Variants in MARK1 observed in about 807,000 individuals in gnomAD.
The protein encoded by MARK1 is microtubule affinity regulating kinase 1.
Under a neutral mutation model 96.3 loss-of-function variants are expected in MARK1, and 40 were observed. That is an observed-to-expected ratio of 0.42 (90% CI 0.32 to 0.54). The LOEUF is 0.54. MARK1 is among the 20% of genes least tolerant of loss of function. The pLI is 0.16. For synonymous variants in MARK1, 317 were observed against 341.2 expected (o/e 0.93, Z 0.78); for missense variants, 719 against 984.6 (o/e 0.73, Z 3.61).
chr1:220,653,066 T>C (rs1357755531), intron 15 of MARK1, 35 bp from the exon 16 acceptor site: 1 of 1,605,266 alleles, frequency 6.2e-7, no homozygotes, highest in East Asian at 2.2e-5. Context: ...TTCTTGTCAT[T>C]ATTCTGAATG....
At chr1:220,628,464 A>G (rs1199512787) in intron 9 of MARK1, among the ~76,000 whole-genome samples, 1 of 152,214 alleles carries the variant, frequency 6.6e-6, no homozygotes, top group African/African-American at 2.4e-5. Flanking sequence ...GTTGCTAAAC[A>G]CAAGGGGCTA....
At chr1:220,560,090 G>A (rs1248866028) in intron 1 of MARK1, among the ~76,000 whole-genome samples, 1 of 152,136 alleles carries the variant, frequency 6.6e-6, no homozygotes, top group Non-Finnish European at 1.5e-5. Context: ...TAGAGAAAGA[G>A]CCAAGCGAAA....
At chr1:220,589,612 A>G (rs1664853579) in intron 3 of MARK1, among the ~76,000 whole-genome samples, 1 of 152,226 alleles carries the variant, frequency 6.6e-6, no homozygotes, top group African/African-American at 2.4e-5. Context: ...GACATATCTC[A>G]GGCCTTCACT....
At chr1:220,585,118 G>T (rs971919030) in intron 3 of MARK1, among the ~76,000 whole-genome samples, 1 of 152,088 alleles carries the variant, frequency 6.6e-6, no homozygotes, top group Admixed American at 6.5e-5. Flanking sequence ...TTTTTTGAGG[G>T]TTAAAGGTGG....
chr1:220,636,458 A>C (rs1667971218), intron 13 of MARK1, among the ~76,000 whole-genome samples: 1 of 152,172 alleles, frequency 6.6e-6, no homozygotes, highest in Non-Finnish European at 1.5e-5. Context: ...CCCATAAGGC[A>C]GCAGGAAAGA....
chr1:220,528,558 G>T lies in MARK1; in HGVS notation c.-265G>T. On this transcript the variant is annotated 5_prime_UTR_variant, in exon 1 of 18. Transcript: ENST00000366917. ...CCAGCCTCGCCGCCCCGCCAGCGCC[G>T]GGCAACCGCCTCGCCCGAAGCCCTC... The T allele has an allele frequency of 2.2e-6, 1 of 456,142 alleles. No homozygotes were observed. Among genetic ancestry groups the T allele is most frequent in the Non-Finnish European group, 3.9e-6 (1 of 259,536 alleles). 28.3% of individuals were successfully genotyped at this position (456,142 alleles called of 1,614,324 possible).
At chr1:220,548,292 T>C (rs1572059374) in intron 1 of MARK1, among the ~76,000 whole-genome samples, 1 of 152,226 alleles carries the variant, frequency 6.6e-6, no homozygotes. Context: ...TTCAATGTAC[T>C]TCAAAAAATT....
At chr1:220,598,170 T>G (rs1665499047) in intron 3 of MARK1, among the ~76,000 whole-genome samples, 161 bp from the exon 4 acceptor site, 1 of 152,086 alleles carries the variant, frequency 6.6e-6, no homozygotes, top group Non-Finnish European at 1.5e-5. Flanking sequence ...CATAGCTTGT[T>G]TGTACAGAGT....
intron 13 of MARK1, among the ~76,000 whole-genome samples, chr1:220,649,494 G>C (rs1174489705): frequency 6.6e-6 from 1 of 152,118 alleles, no homozygotes; most frequent in Non-Finnish European, 1.5e-5. Flanking sequence ...CTCCCAAAGT[G>C]TTAGGATTAG....
chr1:220,590,257 A>T (rs1429224743), intron 3 of MARK1, among the ~76,000 whole-genome samples: 2 of 152,198 alleles, frequency 1.3e-5, no homozygotes, highest in African/African-American at 4.8e-5. Flanking sequence ...ATTGGCCAAA[A>T]TTCTCTAGAT....
intron 3 of MARK1, among the ~76,000 whole-genome samples, chr1:220,587,908 A>G (rs529404570): frequency 6.6e-6 from 1 of 152,246 alleles, no homozygotes; most frequent in East Asian, 1.9e-4. Context: ...TCTCTCTTCA[A>G]GTAGAATTGC....
chr1:220,626,326 TCTC>T lies in MARK1; in HGVS notation c.910-4706_910-4704del, dbSNP rs370283887. ...CACAGACTGGGTCATGACTATGTCT[TCTC>T]CTAAGTAGGGAGAGAACTTTTCAGG... On this transcript the variant is annotated intron_variant, in intron 9 of 17. Transcript: ENST00000366917. 885 of 547,166 alleles carry T rather than the reference TCTC, an allele frequency of 1.6e-3. 11 individuals are homozygous for T. Among genetic ancestry groups the T allele is most frequent in the South Asian group, 0.012 (853 of 71,300 alleles). The allele number at this position is 547,166 out of a possible 1,614,324, so 33.9% of individuals were successfully genotyped here. A position where few individuals can be genotyped will look rare whatever the true frequency, so the allele number is the denominator to read the frequency against.
At chr1:220,638,904 A>G (rs1668121196) in intron 13 of MARK1, among the ~76,000 whole-genome samples, 1 of 152,170 alleles carries the variant, frequency 6.6e-6, no homozygotes, top group Admixed American at 6.5e-5. Flanking sequence ...AATTATAACT[A>G]GTGCTAATCA....
At chr1:220,652,977 C>CT in intron 15 of MARK1, 124 bp from the exon 16 acceptor site, 1 of 1,078,504 alleles carries the variant, frequency 9.3e-7, no homozygotes, top group East Asian at 2.5e-5. Flanking sequence ...TCTCACATCT[C>CT]TAATGTGAAC....
At chr1:220,532,462 C>T (rs1159385255) in intron 1 of MARK1, among the ~76,000 whole-genome samples, 1 of 152,192 alleles carries the variant, frequency 6.6e-6, no homozygotes, top group South Asian at 2.1e-4. Flanking sequence ...TATAAGAAAT[C>T]AGTGCTGTAA....
At position 220,618,324 on chromosome 1, in the gene MARK1, C is replaced by T. The variant is rs1666869851; in HGVS notation, c.567C>T (p.Leu189=). The stretch of plus-strand genomic sequence containing the variant: ...TTTCCTCTTAGGCTGAAAACCTTCT[C>T]CTTGATGGTGATATGAATATTAAAA... ...VHRDLKAENL[L]LDGDMNIKIA... The change falls in exon 8 of 18, where the codon CTC becomes CTT. Residue 189 remains leucine (L), a synonymous_variant. Coordinates refer to ENST00000366917, the MANE Select transcript of MARK1 (RefSeq NM_018650.5). The surrounding 1 kb of genome is among the most constrained non-coding windows in gnomAD (Gnocchi z 4.6). The T allele has an allele frequency of 6.2e-7, 1 of 1,607,136 alleles. No individual in the cohort carries two copies. Among genetic ancestry groups the T allele is most frequent in the Non-Finnish European group, 8.5e-7 (1 of 1,173,894 alleles).
chr1:220,662,251 C>A lies in MARK1; in HGVS notation c.*85C>A. The A allele has an allele frequency of 9.9e-7, 1 of 1,014,988 alleles. No homozygotes were observed. Among genetic ancestry groups the A allele is most frequent in the East Asian group, 2.6e-5 (1 of 38,978 alleles). 62.9% of individuals were successfully genotyped at this position (1,014,988 alleles called of 1,614,324 possible). On this transcript the variant is annotated 3_prime_UTR_variant, in exon 18 of 18. Coordinates refer to ENST00000366917, the MANE Select transcript of MARK1 (RefSeq NM_018650.5). ...ATGTACTGGTAATGCCTAATGTGGT[C>A]TGCCTGTGAATCTCCCCATGTAGAA...
At chr1:220,553,244 A>G (rs1416715702) in intron 1 of MARK1, among the ~76,000 whole-genome samples, 11 of 152,202 alleles carry the variant, frequency 7.2e-5, no homozygotes, top group African/African-American at 1.4e-4. Context: ...GATTTATACT[A>G]CATACTCTCT....
chr1:220,585,670 CTT>C (rs1464722816), intron 3 of MARK1, among the ~76,000 whole-genome samples: 1 of 152,140 alleles, frequency 6.6e-6, no homozygotes, highest in Non-Finnish European at 1.5e-5. Flanking sequence ...AACTTCCAGT[CTT>C]TCACGTTTTG....
Sources: gnomAD v4.1 joint callset for allele counts (sites outside exome capture counted in the v4.1 genomes callset) on GRCh38, gnomAD v4.1.1 for gene constraint, Gnocchi (gnomAD v3.1) non-coding constraint, MANE v1.5 for transcripts, NCBI Gene and HGNC (gene_info 2026-07-23, HGNC 2026-07-21) for gene names.